The following ADAM22 variants were observed in gnomAD, a reference collection of about 807,000 sequenced individuals.
The protein encoded by ADAM22 is disintegrin and metalloproteinase domain-containing protein 22.
A neutral mutation model predicts 144.6 loss-of-function variants in ADAM22; 65 were observed. The ratio of observed to expected loss-of-function variants is 0.45; its 90% CI spans 0.37 to 0.55. ADAM22 has a LOEUF of 0.55. ADAM22 is among the 20% of genes least tolerant of loss of function. ADAM22 has a pLI of 0.00. For missense variants in ADAM22, 974 were observed against 1,184.9 expected (o/e 0.82, Z 2.61); for synonymous variants, 391 against 412.6 (o/e 0.95, Z 0.63).
chr7:88,175,394 A>G (rs1365506460), intron 26 of ADAM22, among the ~76,000 whole-genome samples: 1 of 152,190 alleles, frequency 6.6e-6, no homozygotes, highest in Non-Finnish European at 1.5e-5. Flanking sequence ...ATCCTTACCT[A>G]GAGAATAGGA....
At chr7:88,071,523 G>T (rs757263174) in intron 3 of ADAM22, among the ~76,000 whole-genome samples, 2 of 150,214 alleles carry the variant, frequency 1.3e-5, no homozygotes, top group Admixed American at 6.7e-5. Context: ...TAAAATATTT[G>T]TTTTTGTTTT....
intron 2 of ADAM22, among the ~76,000 whole-genome samples, chr7:87,942,327 A>G (rs1842636572): frequency 6.6e-6 from 1 of 152,180 alleles, no homozygotes; most frequent in Non-Finnish European, 1.5e-5. Context: ...GATGTACATT[A>G]ATTCATTGCG....
Position 88,131,329 on chromosome 7 carries a change from GACA to G in ADAM22, c.891_893del (p.Asn297del). ...GGTTGCTATGGAAACCTGGGCGACT[GACA>G]ACAAGTTTGCCATATCTGAAAATCC... On this transcript the variant is annotated inframe_deletion, in exon 11 of 32. Coordinates refer to ENST00000413139, the MANE Select transcript of ADAM22 (RefSeq NM_001324418.2). 3 of 1,613,764 alleles carry G rather than the reference GACA, an allele frequency of 1.9e-6. No individual in the cohort carries two copies. Among genetic ancestry groups the G allele is most frequent in the East Asian group, 2.2e-5 (1 of 44,854 alleles).
At chr7:88,196,430 T>C in intron 31 of ADAM22, 41 bp from the exon 32 acceptor site, 1 of 1,612,598 alleles carries the variant, frequency 6.2e-7, no homozygotes, top group Non-Finnish European at 8.5e-7. Flanking sequence ...ATCTGCTTCC[T>C]GCTTTCACAA....
intron 3 of ADAM22, among the ~76,000 whole-genome samples, chr7:88,019,332 G>T (rs1047667508): frequency 6.6e-6 from 1 of 151,946 alleles, no homozygotes; most frequent in African/African-American, 2.4e-5. Flanking sequence ...AAAATTAGTT[G>T]GTCATGGTGG....
At chr7:87,939,167 G>C (rs1277046981) in intron 2 of ADAM22, among the ~76,000 whole-genome samples, 1 of 152,192 alleles carries the variant, frequency 6.6e-6, no homozygotes, top group Admixed American at 6.5e-5. Context: ...CAGGTGAGCA[G>C]TCAGGGTGGG....
Position 88,039,768 on chromosome 7 carries a change from T to C in ADAM22, c.324-35858T>C, listed in dbSNP as rs558351764. 7.2e-5 allele frequency among the ~76,000 whole-genome samples: 11 copies of C among 151,916 alleles called. No individual in the cohort carries two copies. The South Asian group carries it at 2.3e-3, about 31-fold the overall frequency. ...TCTATCTGTGTTATTCTACTGAATA[T>C]ACTCTCGCCACTTTACCAGTAACAT... On this transcript the variant is annotated intron_variant, in intron 3 of 31. Transcript: ENST00000413139.
intron 3 of ADAM22, among the ~76,000 whole-genome samples, chr7:88,056,751 G>C (rs1052727631): frequency 6.6e-6 from 1 of 152,142 alleles, no homozygotes; most frequent in African/African-American, 2.4e-5. Context: ...ACTCCTAAAA[G>C]GTTGTCCTAG....
chr7:88,191,209 A>C (rs1339877979), intron 30 of ADAM22, among the ~76,000 whole-genome samples: 3 of 152,246 alleles, frequency 2.0e-5, no homozygotes, highest in Non-Finnish European at 4.4e-5. Context: ...GCCCATAGAA[A>C]GATATTTGAG....
chr7:88,045,407 C>A (rs1261175932), intron 3 of ADAM22, among the ~76,000 whole-genome samples: 1 of 151,886 alleles, frequency 6.6e-6, no homozygotes, highest in East Asian at 1.9e-4. Flanking sequence ...TGCTTTCCCA[C>A]CCAGCTTTAT....
chr7:88,030,976 C>T (rs571283034), intron 3 of ADAM22, among the ~76,000 whole-genome samples: 40 of 152,158 alleles, frequency 2.6e-4, no homozygotes, highest in East Asian at 7.7e-4. Flanking sequence ...ATTAGCCGGG[C>T]GTGGTGGCGG....
intron 4 of ADAM22, among the ~76,000 whole-genome samples, chr7:88,092,457 A>G (rs1820158140): frequency 6.6e-6 from 1 of 152,198 alleles, no homozygotes. Context: ...CAGTTATTCC[A>G]GGTATGTTTC....
At chr7:87,950,023 AC>A (rs1471248453) in intron 2 of ADAM22, among the ~76,000 whole-genome samples, 3 of 151,950 alleles carry the variant, frequency 2.0e-5, no homozygotes, top group Non-Finnish European at 2.9e-5. Flanking sequence ...ATCTTCATAT[AC>A]TAGTTTAAAT....
At chr7:88,039,534 C>T (rs963971347) in intron 3 of ADAM22, among the ~76,000 whole-genome samples, 3 of 142,748 alleles carry the variant, frequency 2.1e-5, no homozygotes, top group African/African-American at 7.7e-5. Flanking sequence ...GTTTCTATAT[C>T]TTTCCAAATA....
chr7:87,945,703 G>A (rs746800077), intron 2 of ADAM22, among the ~76,000 whole-genome samples: 6 of 151,680 alleles, frequency 4.0e-5, no homozygotes, highest in Non-Finnish European at 5.9e-5. Context: ...TAGTAGAGAC[G>A]GGGGTTTCAC....
intron 3 of ADAM22, among the ~76,000 whole-genome samples, chr7:88,021,212 C>G (rs1327793227): frequency 6.6e-6 from 1 of 152,138 alleles, no homozygotes. Context: ...AATGGAAATT[C>G]CTAGCATAAA....
chr7:88,174,699 G>A (rs1845200690), intron 26 of ADAM22, among the ~76,000 whole-genome samples: 1 of 151,978 alleles, frequency 6.6e-6, no homozygotes, highest in Admixed American at 6.6e-5. Flanking sequence ...CTTTGTCTGA[G>A]ATGAACACAC....
In ADAM22 at chr7:88,186,706, T is replaced by C; in HGVS notation, c.2750+5T>C. The C allele has an allele frequency of 6.4e-7, 1 of 1,558,742 alleles. No homozygotes were observed. The highest frequency in any genetic ancestry group is 1.1e-5 in the South Asian group (1 of 89,638). ...CACTGAAGGACCATACTTTAGGTAT[T>C]TTATAAATTAATTTTTATATCCTTC... On this transcript the variant is annotated splice_donor_5th_base_variant and intron_variant, in intron 30 of 31. Transcript: ENST00000413139.
chr7:88,017,612 G>C (rs2129463045), intron 3 of ADAM22, among the ~76,000 whole-genome samples: 2 of 152,102 alleles, frequency 1.3e-5, no homozygotes, highest in South Asian at 4.2e-4. Context: ...TGAGGCATAT[G>C]CATGTCCAAA....
Sources: allele counts gnomAD v4.1 joint callset (sites outside exome capture counted in the v4.1 genomes callset), GRCh38; gene constraint gnomAD v4.1.1; transcripts MANE v1.5; gene names NCBI Gene and HGNC (gene_info 2026-07-23, HGNC 2026-07-21).